Variants in GPR158 observed in about 807,000 individuals in gnomAD.
GPR158 encodes the protein metabotropic glycine receptor.
Under a neutral mutation model 78.2 loss-of-function variants are expected in GPR158, and 30 were observed. That is an observed-to-expected ratio of 0.38 (90% CI 0.29 to 0.52). The LOEUF (loss-of-function observed/expected upper bound fraction) is 0.52. Among genes scored for constraint, GPR158 ranks in the 20% least tolerant of loss-of-function variants. The probability of loss-of-function intolerance (pLI) is 0.83; values close to 1 mark genes in which losing one functional copy is unlikely to be tolerated. For synonymous variants in GPR158, 581 were observed against 591.1 expected (o/e 0.98, Z 0.25); for missense variants, 1,463 against 1,523.5 (o/e 0.96, Z 0.66).
intron 2 of GPR158, among the ~76,000 whole-genome samples, chr10:25,324,785 T>C (rs74695486): frequency 0.015 from 2,303 of 151,410 alleles, 65 homozygotes; most frequent in African/African-American, 0.052. Context: ...GGACAATAAA[T>C]AATAAGTAAA....
intron 5 of GPR158, among the ~76,000 whole-genome samples, chr10:25,505,213 G>A (rs2130662624): frequency 6.6e-6 from 1 of 152,262 alleles, no homozygotes; most frequent in South Asian, 2.1e-4. Flanking sequence ...TGTTGATTTT[G>A]AAAGTAAAGG....
At chr10:25,449,649 T>C (rs1395293124) in intron 4 of GPR158, among the ~76,000 whole-genome samples, 1 of 152,140 alleles carries the variant, frequency 6.6e-6, no homozygotes, top group Non-Finnish European at 1.5e-5. Flanking sequence ...AGGAAAAAGT[T>C]CAGGAAAGCT....
At chr10:25,303,652 C>G (rs1205867447) in intron 2 of GPR158, among the ~76,000 whole-genome samples, 1 of 152,202 alleles carries the variant, frequency 6.6e-6, no homozygotes, top group East Asian at 1.9e-4. Flanking sequence ...AAAATAAATT[C>G]GATGATAACC....
rs1009095903 is a variant in GPR158 at position 25,273,244 on chromosome 10, A to G, written c.1008+52087A>G. Reference sequence around the variant, plus strand: ...CCAAACTGGCAACCTCATTGTCAATATCACTACCTCTTAACTTAAAGAAGA... The same window carrying G: ...CCAAACTGGCAACCTCATTGTCAATGTCACTACCTCTTAACTTAAAGAAGA... On this transcript the variant is annotated intron_variant, in intron 2 of 10. Transcript: ENST00000376351. Among the ~76,000 whole-genome samples, 4 of 152,164 alleles carry G rather than the reference A, an allele frequency of 2.6e-5. No individual in the cohort carries two copies. The East Asian group carries it at 7.7e-4, about 29-fold the overall frequency.
At chr10:25,311,592 G>A (rs115688670) in intron 2 of GPR158, among the ~76,000 whole-genome samples, 4,046 of 151,946 alleles carry the variant, frequency 0.027, 181 homozygotes, top group African/African-American at 0.092. Context: ...CAGAAATTGC[G>A]AATTGAGATA....
intron 4 of GPR158, among the ~76,000 whole-genome samples, chr10:25,442,858 C>T (rs1174549357): frequency 1.3e-5 from 2 of 152,116 alleles, no homozygotes; most frequent in South Asian, 2.1e-4. Context: ...TACCTTCCTG[C>T]ACCCAACATC....
intron 1 of GPR158, among the ~76,000 whole-genome samples, chr10:25,207,598 C>G (rs1853060814): frequency 6.6e-6 from 1 of 152,148 alleles, no homozygotes. Context: ...CACCGCTGAT[C>G]TGACAGGAAG....
intron 2 of GPR158, among the ~76,000 whole-genome samples, chr10:25,348,202 T>A (rs1028808279): frequency 3.3e-5 from 5 of 151,910 alleles, no homozygotes; most frequent in African/African-American, 1.2e-4. Flanking sequence ...TTTTCATGTT[T>A]CAGTGATTTT....
At chr10:25,525,840 C>T (rs1016908409) in intron 5 of GPR158, among the ~76,000 whole-genome samples, 3 of 152,120 alleles carry the variant, frequency 2.0e-5, no homozygotes, top group African/African-American at 7.2e-5. Context: ...GGCACGGTGG[C>T]TCTCTTCTGT....
At chr10:25,232,879 T>C (rs1233029820) in intron 2 of GPR158, among the ~76,000 whole-genome samples, 1 of 152,186 alleles carries the variant, frequency 6.6e-6, no homozygotes, top group Non-Finnish European at 1.5e-5. Context: ...TATTTTAAAA[T>C]ATAAGCTCAC....
chr10:25,595,954 TATA>T (rs1270049365), intron 9 of GPR158, among the ~76,000 whole-genome samples: 1 of 152,182 alleles, frequency 6.6e-6, no homozygotes. Flanking sequence ...TAGGCATTGT[TATA>T]TATCCTTAGA....
chr10:25,195,421 G>A (rs1852830633), intron 1 of GPR158, among the ~76,000 whole-genome samples: 3 of 152,056 alleles, frequency 2.0e-5, no homozygotes, highest in Admixed American at 2.0e-4. Context: ...GGCCAGGCTG[G>A]CCTTGAACTC....
intron 3 of GPR158, among the ~76,000 whole-genome samples, chr10:25,400,337 G>C (rs993280593): frequency 2.0e-5 from 3 of 152,162 alleles, no homozygotes; most frequent in African/African-American, 7.2e-5. Context: ...GGAGAGAGGA[G>C]CTAAGACGTG....
intron 6 of GPR158, among the ~76,000 whole-genome samples, chr10:25,556,336 G>A (rs1251383314): frequency 1.3e-5 from 2 of 152,160 alleles, no homozygotes; most frequent in Non-Finnish European, 2.9e-5. Flanking sequence ...TTAACGTGAA[G>A]CAGTTTCAAA....
intron 5 of GPR158, among the ~76,000 whole-genome samples, chr10:25,504,925 A>G (rs1835991623): frequency 6.6e-6 from 1 of 152,202 alleles, no homozygotes. Context: ...AGTTGAGAGC[A>G]TGAGCTCTAA....
rs1287326411 is a variant in GPR158, at chr10:25,366,155, G to GT, written c.1009-29749dup. ...AACTTTTGTTTTTGTTTTTGTTTTT[G>GT]TTTTTTTGGTAATTTGGGACTGTTA... is the stretch of plus-strand genomic sequence containing the variant. On this transcript the variant is annotated intron_variant, in intron 2 of 10. Transcript: ENST00000376351. 6.0e-5 allele frequency among the ~76,000 whole-genome samples: 9 copies of GT among 150,442 alleles called. No individual in the cohort carries two copies. In the South Asian group the frequency reaches 6.3e-4, roughly 10 times the overall value.
At chr10:25,203,439 A>G (rs1250995396) in intron 1 of GPR158, among the ~76,000 whole-genome samples, 1 of 152,132 alleles carries the variant, frequency 6.6e-6, no homozygotes, top group Non-Finnish European at 1.5e-5. Context: ...TATAAGGTGT[A>G]AGGAAGGGAT....
chr10:25,260,013 A>T (rs771399187), intron 2 of GPR158, among the ~76,000 whole-genome samples: 3 of 151,780 alleles, frequency 2.0e-5, no homozygotes, highest in Non-Finnish European at 4.4e-5. Flanking sequence ...TTTCATTTCC[A>T]CTGCTATTAT....
At chr10:25,185,151 G>A (rs1290866242) in intron 1 of GPR158, among the ~76,000 whole-genome samples, 1 of 152,154 alleles carries the variant, frequency 6.6e-6, no homozygotes, top group Non-Finnish European at 1.5e-5. Context: ...TGGTGTAGGG[G>A]AGCACATATG....
Sources: gnomAD v4.1 joint callset for allele counts (sites outside exome capture counted in the v4.1 genomes callset) on GRCh38, gnomAD v4.1.1 for gene constraint, MANE v1.5 for transcripts, NCBI Gene and HGNC (gene_info 2026-07-23, HGNC 2026-07-21) for gene names.